RBFOX1: variants seen among roughly 807,000 people sequenced by gnomAD.
RBFOX1 encodes the protein RNA binding protein fox-1 homolog 1.
RBFOX1 carries 8 observed loss-of-function variants against 57.7 expected under a neutral mutation model. That is an observed-to-expected ratio of 0.14 (90% confidence interval 0.08 to 0.25). The LOEUF (loss-of-function observed/expected upper bound fraction) is 0.25. Among genes scored for constraint, RBFOX1 ranks in the 10% least tolerant of loss-of-function variants. The pLI is 1.00. For missense variants in RBFOX1, 611 were observed against 548.5 expected, an observed-to-expected ratio of 1.11 and a Z score of -1.14; for synonymous variants, 326 against 222.4, an observed-to-expected ratio of 1.47 and a Z score of -4.15.
At chr16:6,296,463 C>G (rs2078123305) in intron 1 of RBFOX1, among the ~76,000 whole-genome samples, 1 of 151,606 alleles carries the variant, frequency 6.6e-6, no homozygotes, top group Non-Finnish European at 1.5e-5. Context: ...CTCTGTCGCC[C>G]AGGCCGGAGT....
At chr16:6,293,607 A>G (rs1436667565) in intron 1 of RBFOX1, among the ~76,000 whole-genome samples, 3 of 152,108 alleles carry the variant, frequency 2.0e-5, no homozygotes, top group Admixed American at 2.0e-4. Context: ...ATTATGTGAT[A>G]CCTTATGCCG....
chr16:5,274,948 T>C (rs2063105994), intron 1 of RBFOX1, among the ~76,000 whole-genome samples: 1 of 152,226 alleles, frequency 6.6e-6, no homozygotes, highest in Non-Finnish European at 1.5e-5. Context: ...CAGTGGGGGC[T>C]TATCACCTCA....
intron 1 of RBFOX1, among the ~76,000 whole-genome samples, chr16:6,068,708 G>A (rs539366639): frequency 6.6e-6 from 1 of 152,172 alleles, no homozygotes; most frequent in Non-Finnish European, 1.5e-5. Context: ...TAGATGAGAA[G>A]TTAATCACTT....
intron 3 of RBFOX1, among the ~76,000 whole-genome samples, chr16:6,809,798 G>A (rs969201606): frequency 6.6e-6 from 1 of 152,058 alleles, no homozygotes; most frequent in Non-Finnish European, 1.5e-5. Flanking sequence ...CACTTCAGCT[G>A]CCAAAAATCT....
At chr16:5,907,746 A>G (rs1208225831) in intron 4 of RBFOX1, among the ~76,000 whole-genome samples, 1 of 149,628 alleles carries the variant, frequency 6.7e-6, no homozygotes, top group Non-Finnish European at 1.5e-5. Context: ...CATCATCATC[A>G]TCATCATCAT....
intron 2 of RBFOX1, among the ~76,000 whole-genome samples, chr16:6,585,040 T>A (rs2097587463): frequency 6.6e-6 from 1 of 152,094 alleles, no homozygotes; most frequent in Non-Finnish European, 1.5e-5. Flanking sequence ...GGTCAAGGCT[T>A]TGTAGGCATC....
At chr16:6,487,438 T>C (rs1479729401) in intron 2 of RBFOX1, among the ~76,000 whole-genome samples, 3 of 151,934 alleles carry the variant, frequency 2.0e-5, no homozygotes, top group African/African-American at 7.2e-5. Context: ...ATGTAGCAAA[T>C]GTAAATAGGA....
At chr16:7,652,389 A>C (rs537874316) in intron 11 of RBFOX1, among the ~76,000 whole-genome samples, 88 of 152,272 alleles carry the variant, frequency 5.8e-4, no homozygotes, top group Non-Finnish European at 1.1e-3. Context: ...ATTTTACCCA[A>C]GGGAAGATAT....
intron 2 of RBFOX1, among the ~76,000 whole-genome samples, chr16:5,501,232 C>T (rs1479159790): frequency 7.4e-6 from 1 of 135,432 alleles, no homozygotes; most frequent in African/African-American, 2.9e-5. Context: ...ACAGGAGAAT[C>T]GATTGAACTC....
intron 4 of RBFOX1, among the ~76,000 whole-genome samples, chr16:7,433,759 C>T (rs1027341415): frequency 6.6e-6 from 1 of 152,174 alleles, no homozygotes; most frequent in Non-Finnish European, 1.5e-5. Context: ...TCTAATTATC[C>T]AGTCATCTAA....
chr16:5,909,238 A>G (rs538464117), intron 4 of RBFOX1, among the ~76,000 whole-genome samples: 42 of 151,394 alleles, frequency 2.8e-4, no homozygotes, highest in African/African-American at 6.5e-4. Context: ...GACTACAGGC[A>G]CCCACCACCA....
chr16:6,745,710 G>A (rs562080950), intron 3 of RBFOX1, among the ~76,000 whole-genome samples: 2 of 152,192 alleles, frequency 1.3e-5, no homozygotes, highest in Non-Finnish European at 2.9e-5. Flanking sequence ...GGAAATACTG[G>A]TGTTGCCCCC....
At chr16:5,794,728 T>C (rs1202787751) in intron 3 of RBFOX1, among the ~76,000 whole-genome samples, 2 of 152,212 alleles carry the variant, frequency 1.3e-5, no homozygotes, top group Non-Finnish European at 2.9e-5. Flanking sequence ...CAAATAAAGC[T>C]GAGGTTCCTA....
At chr16:6,602,855 C>A (rs1185309290) in intron 2 of RBFOX1, among the ~76,000 whole-genome samples, 1 of 152,146 alleles carries the variant, frequency 6.6e-6, no homozygotes, top group African/African-American at 2.4e-5. Context: ...CCCCCACCAT[C>A]ACATGCAAAT....
intron 3 of RBFOX1, among the ~76,000 whole-genome samples, chr16:6,823,901 A>C (rs770152152): frequency 6.6e-6 from 1 of 152,166 alleles, no homozygotes; most frequent in Non-Finnish European, 1.5e-5. Context: ...AAAAAGGAGC[A>C]TGCTGGAGTT....
intron 1 of RBFOX1, among the ~76,000 whole-genome samples, chr16:6,314,477 T>A (rs556302268): frequency 2.6e-5 from 4 of 152,180 alleles, no homozygotes; most frequent in Admixed American, 2.6e-4. Context: ...TGGGTAGATG[T>A]TCAAGTCTCA....
At chr16:7,114,467 G>C (rs1048365091) in intron 4 of RBFOX1, among the ~76,000 whole-genome samples, 1 of 152,126 alleles carries the variant, frequency 6.6e-6, no homozygotes, top group Non-Finnish European at 1.5e-5. Context: ...GCATGAGTGA[G>C]TGCTATTCAT....
At chr16:5,307,913 G>A (rs1477771409) in intron 1 of RBFOX1, among the ~76,000 whole-genome samples, 1 of 152,122 alleles carries the variant, frequency 6.6e-6, no homozygotes, top group Non-Finnish European at 1.5e-5. Flanking sequence ...CCAGGCCTCA[G>A]GCAATCCTCC....
intron 3 of RBFOX1, among the ~76,000 whole-genome samples, chr16:6,838,145 A>C (rs763315584): frequency 6.6e-6 from 1 of 151,988 alleles, no homozygotes; most frequent in African/African-American, 2.4e-5. Flanking sequence ...CCCCACATGC[A>C]TTAAGTATTT....
Sources: allele counts gnomAD v4.1 joint callset (sites outside exome capture counted in the v4.1 genomes callset), GRCh38; gene constraint gnomAD v4.1.1; transcripts MANE v1.5; gene names NCBI Gene and HGNC (gene_info 2026-07-23, HGNC 2026-07-21).